Variants in MPHOSPH9 observed in about 807,000 individuals in gnomAD.
The protein encoded by MPHOSPH9 is M-phase phosphoprotein 9.
Under a neutral mutation model 145.5 loss-of-function variants are expected in MPHOSPH9, and 88 were observed. The observed-to-expected ratio is 0.60, with a 90% confidence interval of 0.51 to 0.72. The LOEUF (loss-of-function observed/expected upper bound fraction) is 0.72, where lower values mean the gene tolerates loss of function less well. Among genes scored for constraint, MPHOSPH9 ranks in the 30% least tolerant of loss-of-function variants. MPHOSPH9 has a pLI of 0.00. For synonymous variants in MPHOSPH9, 435 were observed against 486.2 expected (o/e 0.89, Z 1.39); for missense variants, 1,238 against 1,386.6 (o/e 0.89, Z 1.70).
chr12:123,225,214 T>C (rs955369918), intron 3 of MPHOSPH9, among the ~76,000 whole-genome samples: 1 of 149,068 alleles, frequency 6.7e-6, no homozygotes, highest in Non-Finnish European at 1.5e-5. Context: ...GAGGCCAAGG[T>C]GGGTGGATCA....
chr12:123,229,052 A>T (rs1343617060), intron 2 of MPHOSPH9, among the ~76,000 whole-genome samples: 2 of 152,060 alleles, frequency 1.3e-5, no homozygotes, highest in African/African-American at 4.8e-5. Context: ...CCCCACCCCC[A>T]TTGTTTTATA....
At chr12:123,188,866 A>C (rs1489337733) in intron 13 of MPHOSPH9, among the ~76,000 whole-genome samples, 1 of 152,180 alleles carries the variant, frequency 6.6e-6, no homozygotes, top group South Asian at 2.1e-4. Flanking sequence ...TAAAATAAAG[A>C]GTAAACATAA....
rs1046467189 is a variant in MPHOSPH9, at chr12:123,230,205, C to T, written c.104+56G>A. On this transcript the variant is annotated intron_variant, in intron 2 of 23. Transcript: ENST00000606320. ...GACACTATTTGGATAAGTTGATAAA[C>T]GTATGCAAATAAGGTTATTCTGATT... The T allele has an allele frequency of 2.9e-5, 26 of 885,078 alleles. No individual in the cohort carries two copies. In the Middle Eastern group the frequency reaches 7.4e-4, roughly 25 times the overall value. 54.8% of individuals were successfully genotyped at this position (885,078 alleles called of 1,614,324 possible). A position where few individuals can be genotyped will look rare whatever the true frequency, so the allele number is the denominator to read the frequency against.
At chr12:123,204,140 T>C (rs1295345075) in intron 8 of MPHOSPH9, among the ~76,000 whole-genome samples, 2 of 151,940 alleles carry the variant, frequency 1.3e-5, no homozygotes, top group African/African-American at 2.4e-5. Flanking sequence ...CTGTCTCTAC[T>C]AAAAATACAA....
rs2047195061 is a variant in MPHOSPH9 at position 123,221,372 on chromosome 12, C to T, written c.872G>A (p.Ser291Asn). The T allele has an allele frequency of 6.4e-7, 1 of 1,564,664 alleles. No individual in the cohort carries two copies. Among genetic ancestry groups the T allele is most frequent in the Non-Finnish European group, 8.6e-7 (1 of 1,157,932 alleles). The change falls in exon 5 of 24, where the codon AGT (serine) becomes AAT (asparagine). Residue 291 changes from serine to asparagine, a missense_variant and splice_region_variant. This residue lies in a region of MPHOSPH9 where 837 missense variants were observed against 897.5 expected (regional missense o/e 0.93). Transcript: ENST00000606320. ...TTCAAATGATAGAAATTCTACTTAC[C>T]TATTTGTTTTCCCACTGTATACTTC... is the stretch of plus-strand genomic sequence containing the variant. ...VSEVYSGKTN[S>N]NAITSWAQKL... is the part of the protein sequence containing the mutation.
chr12:123,227,632 T>C lies in MPHOSPH9; in HGVS notation c.105-16A>G. ...GGGACTACTTCTGTTGAAACATAAA[T>C]AATTCAAATGGTTTTCTTCATTCTA... On this transcript the variant is annotated splice_polypyrimidine_tract_variant and intron_variant, in intron 2 of 23. Transcript: ENST00000606320. 1 of 1,491,716 alleles carries C rather than the reference T, an allele frequency of 6.7e-7. No homozygotes were observed. 92.4% of individuals were successfully genotyped at this position (1,491,716 alleles called of 1,614,324 possible). A position where few individuals can be genotyped will look rare whatever the true frequency, so the allele number is the denominator to read the frequency against.
At chr12:123,198,848 T>G (rs367857457) in intron 11 of MPHOSPH9, among the ~76,000 whole-genome samples, 1 of 150,980 alleles carries the variant, frequency 6.6e-6, no homozygotes, top group South Asian at 2.1e-4. Flanking sequence ...TAAAATAATT[T>G]TTTTAAAAGA....
At chr12:123,185,495 G>A (rs181173064) in intron 13 of MPHOSPH9, among the ~76,000 whole-genome samples, 460 of 152,272 alleles carry the variant, frequency 3.0e-3, no homozygotes, top group Admixed American at 4.7e-3. Context: ...TGTAATCCCA[G>A]CACTTTGGGA....
chr12:123,165,126 AT>A (rs1206560334), intron 18 of MPHOSPH9, among the ~76,000 whole-genome samples, 175 bp downstream of exon 18: 1 of 152,188 alleles, frequency 6.6e-6, no homozygotes, highest in Non-Finnish European at 1.5e-5. Flanking sequence ...ACTGTGATAA[AT>A]TATTAACTAG....
intron 22 of MPHOSPH9, 130 bp from the exon 23 acceptor site, chr12:123,160,979 A>C: frequency 7.6e-7 from 1 of 1,311,060 alleles, no homozygotes; most frequent in East Asian, 2.5e-5. Context: ...TCTGTCAATT[A>C]GTAACGACCA....
At position 123,225,408 on chromosome 12, in the gene MPHOSPH9, T is replaced by G. The variant is rs1429043410; in HGVS notation, c.258+2055A>C. ...ACAGTGAACAGAGATTGTGCCACTG[T>G]ACTCCAGCCTGGATGACAGAATGAG... On this transcript the variant is annotated intron_variant, in intron 3 of 23. Transcript: ENST00000606320. Among the ~76,000 whole-genome samples the G allele has an allele frequency of 2.1e-5, 3 of 143,042 alleles. No individual in the cohort carries two copies. The Admixed American group carries it at 2.1e-4, about 10-fold the overall frequency. The allele number at this position is 143,042 out of a possible 152,430, so 93.8% of individuals were successfully genotyped here.
Position 123,227,492 on chromosome 12 carries a change from T to C in MPHOSPH9, c.229A>G (p.Thr77Ala), listed in dbSNP as rs1271063721. 26 of 1,514,116 alleles carry C rather than the reference T, an allele frequency of 1.7e-5. No homozygotes were observed. The highest frequency in any genetic ancestry group is 2.3e-5 in the Non-Finnish European group (26 of 1,136,426). 93.8% of individuals were successfully genotyped at this position (1,514,116 alleles called of 1,614,324 possible). A position where few individuals can be genotyped will look rare whatever the true frequency, so the allele number is the denominator to read the frequency against. Residue 77 changes from threonine (T) to alanine (A), a missense_variant, in exon 3 of 24, where the codon ACT becomes GCT. By Grantham distance (58) the Thr-to-Ala change is moderately conservative. This residue lies in a region of MPHOSPH9 where 837 missense variants were observed against 897.5 expected (regional missense o/e 0.93). Transcript: ENST00000606320. ...CAGTTTTTCCAAAGTTCCGAATCAG[T>C]CTTTCCACTGTTTTGTAGCTCTTGC... ...LMQELQNSGK[T>A]DSELWKNCET...
At chr12:123,205,581 C>A (rs1488120679) in intron 8 of MPHOSPH9, among the ~76,000 whole-genome samples, 1 of 151,972 alleles carries the variant, frequency 6.6e-6, no homozygotes, top group Non-Finnish European at 1.5e-5. Context: ...CATAATCCTG[C>A]TGTAGAATTC....
chr12:123,209,987 C>T (rs1262996791), intron 8 of MPHOSPH9, 69 bp downstream of exon 8: 39 of 1,020,618 alleles, frequency 3.8e-5, no homozygotes, highest in Non-Finnish European at 3.0e-5. Context: ...CCGCCCACCT[C>T]GGCCTCCCAA....
chr12:123,227,685 A>C, intron 2 of MPHOSPH9, 69 bp from the exon 3 acceptor site: 1 of 1,330,762 alleles, frequency 7.5e-7, no homozygotes, highest in Non-Finnish European at 9.9e-7. Flanking sequence ...TCAGCAGTTC[A>C]AGATTTAGCA....
intron 1 of MPHOSPH9, among the ~76,000 whole-genome samples, chr12:123,239,133 C>G (rs1593272972): frequency 6.6e-6 from 1 of 152,038 alleles, no homozygotes; most frequent in Admixed American, 6.6e-5. Context: ...GCCAGGCATG[C>G]TGGTACATGC....
At chr12:123,217,302 A>T (rs2047010981) in intron 6 of MPHOSPH9, among the ~76,000 whole-genome samples, 1 of 151,366 alleles carries the variant, frequency 6.6e-6, no homozygotes, top group Non-Finnish European at 1.5e-5. Flanking sequence ...AGTTCAAGTG[A>T]TTCTCCTGCC....
intron 18 of MPHOSPH9, 82 bp downstream of exon 18, chr12:123,165,220 T>C: frequency 1.5e-6 from 2 of 1,339,382 alleles, no homozygotes; most frequent in Non-Finnish European, 2.1e-6. Context: ...TTTCATTACC[T>C]AAATATTTTA....
chr12:123,219,956 G>A (rs2047127960), intron 5 of MPHOSPH9, among the ~76,000 whole-genome samples: 1 of 152,150 alleles, frequency 6.6e-6, no homozygotes, highest in African/African-American at 2.4e-5. Flanking sequence ...GCCAAGGTGG[G>A]CATATGTTGT....
Sources: allele counts gnomAD v4.1 joint callset (sites outside exome capture counted in the v4.1 genomes callset), GRCh38; gene constraint gnomAD v4.1.1; regional missense constraint gnomAD v4.1.1; transcripts MANE v1.5; gene names NCBI Gene and HGNC (gene_info 2026-07-23, HGNC 2026-07-21).